Variants in CDH18 observed in about 807,000 individuals in gnomAD.
The protein encoded by CDH18 is cadherin-18.
A neutral mutation model predicts 67.9 loss-of-function variants in CDH18; 31 were observed. That is an observed-to-expected ratio of 0.46 (90% confidence interval 0.34 to 0.62). The LOEUF is 0.62. Ranked by LOEUF, CDH18 falls within the 20% of genes least tolerant of loss-of-function variation. The pLI, the probability that CDH18 is intolerant of heterozygous loss-of-function variation, is 0.01. For synonymous variants in CDH18, 362 were observed against 347.2 expected (o/e 1.04, Z -0.48); for missense variants, 890 against 975.5 (o/e 0.91, Z 1.17).
At position 20,389,138 on chromosome 5, in the gene CDH18, T is replaced by C. The variant is rs181628232; in HGVS notation, c.-579-133633A>G. ...CTTTCTGTCTCATGGATCTGTCTAA[T>C]GTTGACAGTGGGGTGTTAAAGTCTC... On this transcript the variant is annotated intron_variant, in intron 1 of 14. Transcript: ENST00000507958. Among the ~76,000 whole-genome samples the C allele has an allele frequency of 1.5e-4, 23 of 152,222 alleles. 1 individual carries two copies. The East Asian group carries it at 4.1e-3, about 27-fold the overall frequency.
intron 3 of CDH18, among the ~76,000 whole-genome samples, chr5:19,832,846 G>A (rs921094505): frequency 2.6e-5 from 4 of 151,928 alleles, no homozygotes; most frequent in Admixed American, 6.6e-5. Flanking sequence ...GCAGATGTGT[G>A]GTGTTATTTC....
intron 3 of CDH18, among the ~76,000 whole-genome samples, chr5:19,767,642 G>T (rs986329032): frequency 1.3e-5 from 2 of 151,792 alleles, no homozygotes; most frequent in Non-Finnish European, 2.9e-5. Flanking sequence ...CAAAAACAGA[G>T]GGGACACAAT....
intron 2 of CDH18, among the ~76,000 whole-genome samples, chr5:19,871,080 A>T (rs1786213449): frequency 6.6e-6 from 1 of 152,188 alleles, no homozygotes; most frequent in Admixed American, 6.6e-5. Context: ...TTATCCACAG[A>T]TGTGCAGAGG....
chr5:19,968,584 C>A (rs1797709398), intron 2 of CDH18, among the ~76,000 whole-genome samples: 2 of 150,280 alleles, frequency 1.3e-5, no homozygotes, highest in South Asian at 4.1e-4. Context: ...GAAAAACAAG[C>A]AACAGGGAAA....
At chr5:19,870,383 T>C (rs746217577) in intron 2 of CDH18, among the ~76,000 whole-genome samples, 8 of 152,182 alleles carry the variant, frequency 5.3e-5, no homozygotes, top group Non-Finnish European at 1.2e-4. Flanking sequence ...GATAGTTTTC[T>C]CTAGATATTG....
intron 1 of CDH18, among the ~76,000 whole-genome samples, chr5:20,368,627 T>C (rs1742715185): frequency 6.6e-6 from 1 of 152,190 alleles, no homozygotes; most frequent in Admixed American, 6.5e-5. Flanking sequence ...CCATTATCAT[T>C]TGGCTTTGGA....
At chr5:20,253,162 T>C (rs929095448) in intron 2 of CDH18, among the ~76,000 whole-genome samples, 5 of 152,132 alleles carry the variant, frequency 3.3e-5, no homozygotes, top group African/African-American at 4.8e-5. Context: ...ATCTTGCTAA[T>C]ATGCACACCT....
intron 1 of CDH18, among the ~76,000 whole-genome samples, chr5:20,330,012 T>A (rs539156098): frequency 2.3e-4 from 35 of 151,960 alleles, no homozygotes; most frequent in African/African-American, 8.4e-4. Context: ...CAGATACAAA[T>A]AATGAAAAAT....
At chr5:20,574,891 C>T (rs1199502447) in intron 1 of CDH18, among the ~76,000 whole-genome samples, 1 of 151,526 alleles carries the variant, frequency 6.6e-6, no homozygotes, top group Non-Finnish European at 1.5e-5. Flanking sequence ...AAATGCTGAC[C>T]ATCAATAAGA....
intron 2 of CDH18, among the ~76,000 whole-genome samples, chr5:19,999,302 A>G (rs896700448): frequency 1.3e-5 from 2 of 152,070 alleles, no homozygotes; most frequent in Non-Finnish European, 2.9e-5. Context: ...AATTGCCCAC[A>G]TAAAACTGTG....
chr5:20,258,857 G>C (rs1286987729), intron 1 of CDH18, among the ~76,000 whole-genome samples: 1 of 152,066 alleles, frequency 6.6e-6, no homozygotes, highest in Non-Finnish European at 1.5e-5. Flanking sequence ...TAATCAAAAA[G>C]TGAACTCCAG....
At chr5:20,170,567 A>G (rs1198377612) in intron 2 of CDH18, among the ~76,000 whole-genome samples, 2 of 152,104 alleles carry the variant, frequency 1.3e-5, no homozygotes, top group Admixed American at 1.3e-4. Flanking sequence ...ATAATAATAT[A>G]AAACATGCAA....
At chr5:19,789,027 T>C (rs1427886973) in intron 3 of CDH18, among the ~76,000 whole-genome samples, 1 of 152,194 alleles carries the variant, frequency 6.6e-6, no homozygotes, top group Non-Finnish European at 1.5e-5. Context: ...GAAGCATGCA[T>C]GCCATCTTCT....
At chr5:19,973,408 G>T (rs1798212484) in intron 2 of CDH18, among the ~76,000 whole-genome samples, 1 of 152,058 alleles carries the variant, frequency 6.6e-6, no homozygotes, top group Admixed American at 6.6e-5. Context: ...ATCTATGTAC[G>T]ATGTACTTCA....
chr5:19,773,898 A>C (rs1773995059), intron 3 of CDH18, among the ~76,000 whole-genome samples: 2 of 152,214 alleles, frequency 1.3e-5, no homozygotes, highest in South Asian at 4.1e-4. Context: ...ACACATTTAA[A>C]AACTTGGAAT....
chr5:19,974,128 G>A (rs1284086459), intron 2 of CDH18, among the ~76,000 whole-genome samples: 1 of 152,056 alleles, frequency 6.6e-6, no homozygotes, highest in Non-Finnish European at 1.5e-5. Context: ...GACAGTGGTA[G>A]GAGGTATAAG....
At chr5:19,704,271 C>A (rs997867542) in intron 5 of CDH18, among the ~76,000 whole-genome samples, 2 of 152,130 alleles carry the variant, frequency 1.3e-5, no homozygotes, top group African/African-American at 4.8e-5. Context: ...TCCACATGGC[C>A]AGTTTAACCT....
intron 3 of CDH18, among the ~76,000 whole-genome samples, chr5:19,820,445 C>T (rs903799481): frequency 5.9e-5 from 9 of 152,166 alleles, no homozygotes; most frequent in Admixed American, 2.6e-4. Flanking sequence ...CAGCTACACA[C>T]CAATGGCACC....
At chr5:20,270,885 A>G (rs1019971290) in intron 1 of CDH18, among the ~76,000 whole-genome samples, 31 of 152,160 alleles carry the variant, frequency 2.0e-4, no homozygotes, top group African/African-American at 3.1e-4. Context: ...ATGCAGGGAT[A>G]CAAAACCAAA....
Sources: gnomAD v4.1 joint callset for allele counts (sites outside exome capture counted in the v4.1 genomes callset) on GRCh38, gnomAD v4.1.1 for gene constraint, MANE v1.5 for transcripts, NCBI Gene and HGNC (gene_info 2026-07-23, HGNC 2026-07-21) for gene names.